CFAP47: variants seen among roughly 807,000 people sequenced by gnomAD.
CFAP47 encodes the protein cilia and flagella associated protein 47.
A neutral mutation model predicts 148.1 loss-of-function variants in CFAP47; 29 were observed. The observed-to-expected ratio is 0.20, with a 90% confidence interval of 0.15 to 0.27. CFAP47 has a LOEUF of 0.27. CFAP47 is among the 10% of genes least tolerant of loss of function. CFAP47 has a pLI of 1.00. For synonymous variants in CFAP47, 664 were observed against 577.3 expected, an observed-to-expected ratio of 1.15 and a Z score of -2.15; for missense variants, 1,872 against 1,697.5, an observed-to-expected ratio of 1.10 and a Z score of -1.81.
intron 39 of CFAP47, among the ~76,000 whole-genome samples, chrX:36,173,354 T>C (rs1939615349): frequency 8.9e-6 from 1 of 111,794 alleles, no homozygotes; most frequent in Non-Finnish European, 1.9e-5. Context: ...TTTGGATGTG[T>C]TTGCTCTTGC....
chrX:36,341,639 A>G (rs1052947167), intron 57 of CFAP47, among the ~76,000 whole-genome samples: 1 of 111,133 alleles, frequency 9.0e-6, no homozygotes. Context: ...AACACCTTTA[A>G]TCAAAAGAAC....
chrX:36,373,455 TTG>T (rs59261465), intron 62 of CFAP47, among the ~76,000 whole-genome samples: 43 of 108,110 alleles, frequency 4.0e-4, no homozygotes, highest in African/African-American at 8.0e-4. Context: ...GCGTGTGTGT[TTG>T]TGTGTGTGTG....
At chrX:36,224,020 A>G (rs782208666) in intron 45 of CFAP47, among the ~76,000 whole-genome samples, 1 of 111,208 alleles carries the variant, frequency 9.0e-6, no homozygotes, top group Admixed American at 9.6e-5. Context: ...AAAAAATTAT[A>G]AAGTTAAAAA....
intron 8 of CFAP47, among the ~76,000 whole-genome samples, chrX:35,962,897 A>G (rs1271384897): frequency 6.7e-5 from 7 of 104,004 alleles, no homozygotes; most frequent in Non-Finnish European, 1.2e-4. Flanking sequence ...CAACATGCTG[A>G]TTTCATTCCC....
intron 45 of CFAP47, among the ~76,000 whole-genome samples, chrX:36,222,774 T>C (rs1940226648): frequency 9.0e-6 from 1 of 110,938 alleles, no homozygotes. Flanking sequence ...TTCCAGAGTA[T>C]TTGTGATTCA....
chrX:35,927,802 A>T (rs752525188), intron 2 of CFAP47, among the ~76,000 whole-genome samples: 1 of 110,296 alleles, frequency 9.1e-6, no homozygotes, highest in South Asian at 3.8e-4. Context: ...TAAACTGTGG[A>T]TACTGCTAAT....
At chrX:36,242,528 A>G (rs191116671) in intron 48 of CFAP47, among the ~76,000 whole-genome samples, 32 of 112,550 alleles carry the variant, frequency 2.8e-4, no homozygotes, top group African/African-American at 9.7e-4. Context: ...CAAGAATTTC[A>G]TAATGCAAAT....
At chrX:35,964,052 G>T (rs1172604116) in intron 8 of CFAP47, among the ~76,000 whole-genome samples, 2 of 111,555 alleles carry the variant, frequency 1.8e-5, no homozygotes, top group East Asian at 2.8e-4. Context: ...AGTTACATTT[G>T]CCTGTGCTCT....
At chrX:36,169,936 G>T (rs1364984099) in intron 39 of CFAP47, among the ~76,000 whole-genome samples, 1 of 111,997 alleles carries the variant, frequency 8.9e-6, no homozygotes, top group Non-Finnish European at 1.9e-5. Flanking sequence ...TTTCCAGGAA[G>T]CAGCAAGACA....
intron 29 of CFAP47, among the ~76,000 whole-genome samples, chrX:36,074,684 G>A (rs1346251410): frequency 1.8e-5 from 2 of 110,627 alleles, no homozygotes; most frequent in Non-Finnish European, 3.8e-5. Flanking sequence ...GTACAGTGTG[G>A]AATAATTAAA....
intron 30 of CFAP47, among the ~76,000 whole-genome samples, 166 bp downstream of exon 30, chrX:36,085,704 A>ATG (rs1307606588): frequency 9.2e-6 from 1 of 108,222 alleles, no homozygotes; most frequent in African/African-American, 3.4e-5. Context: ...TTATATATAT[A>ATG]TATGTATGGT....
chrX:36,216,192 C>T (rs1195332763), intron 45 of CFAP47, among the ~76,000 whole-genome samples: 1 of 112,211 alleles, frequency 8.9e-6, no homozygotes, highest in Non-Finnish European at 1.9e-5. Flanking sequence ...GGCAGAGCCC[C>T]GCAGCTAATG....
intron 37 of CFAP47, among the ~76,000 whole-genome samples, chrX:36,153,156 A>T (rs995923386): frequency 5.4e-5 from 6 of 111,824 alleles, no homozygotes; most frequent in African/African-American, 2.0e-4. Flanking sequence ...GATTCTGTGA[A>T]ATCAAATAAG....
At position 35,989,311 on chromosome X, in the gene CFAP47, T is replaced by G. The variant is rs1936757215; in HGVS notation, c.2714-8T>G. On this transcript the variant is annotated splice_polypyrimidine_tract_variant and splice_region_variant and intron_variant, in intron 15 of 63. Coordinates refer to ENST00000378653, the MANE Select transcript of CFAP47 (RefSeq NM_001304548.2). ...AAATGTCTTATTTTCTCTCTACATTTTCCGTAGGCACTGTTGAAGCATATT... is the reference window on the plus strand; with the variant it reads ...AAATGTCTTATTTTCTCTCTACATTGTCCGTAGGCACTGTTGAAGCATATT... 8.5e-7 allele frequency: 1 copy of G among 1,172,620 alleles called. No individual in the cohort carries two copies. Among genetic ancestry groups the G allele is most frequent in the Non-Finnish European group, 1.2e-6 (1 of 862,041 alleles).
chrX:36,241,518 C>T (rs1940543853), intron 48 of CFAP47, among the ~76,000 whole-genome samples: 1 of 112,181 alleles, frequency 8.9e-6, no homozygotes, highest in African/African-American at 3.2e-5. Flanking sequence ...CCTACACTCT[C>T]CAGGCTGAGT....
At chrX:36,152,935 G>A (rs1455952932) in intron 37 of CFAP47, among the ~76,000 whole-genome samples, 1 of 111,032 alleles carries the variant, frequency 9.0e-6, no homozygotes, top group African/African-American at 3.3e-5. Flanking sequence ...CAGAATTTAT[G>A]TCTTCTTGCC....
intron 33 of CFAP47, among the ~76,000 whole-genome samples, chrX:36,125,320 A>C (rs1444233923): frequency 9.0e-6 from 1 of 111,524 alleles, no homozygotes; most frequent in Non-Finnish European, 1.9e-5. Context: ...CATGTCAGAT[A>C]AATTCTAGTA....
intron 57 of CFAP47, among the ~76,000 whole-genome samples, chrX:36,323,287 T>A (rs1941491937): frequency 9.1e-6 from 1 of 110,440 alleles, no homozygotes; most frequent in South Asian, 3.7e-4. Flanking sequence ...CTTAAATGAA[T>A]TTGAGAAATA....
chrX:36,172,813 T>C lies in CFAP47; in HGVS notation c.6027-6532T>C, dbSNP rs1241858398. On this transcript the variant is annotated intron_variant, in intron 39 of 63. Coordinates refer to ENST00000378653, the MANE Select transcript of CFAP47 (RefSeq NM_001304548.2). ...TGGTATCAGGATGATGCTGGCCTCA[T>C]AAAATGAGTTAGGGAGGATTCCCTC... Among the ~76,000 whole-genome samples, 4 of 111,930 alleles carry C rather than the reference T, an allele frequency of 3.6e-5. No homozygotes were observed. The East Asian group carries it at 1.1e-3, about 31-fold the overall frequency.
Sources: gnomAD v4.1 joint callset for allele counts (sites outside exome capture counted in the v4.1 genomes callset) on GRCh38, gnomAD v4.1.1 for gene constraint, MANE v1.5 for transcripts, NCBI Gene and HGNC (gene_info 2026-07-23, HGNC 2026-07-21) for gene names.